Variants in C7orf78 observed in about 807,000 individuals in gnomAD.
C7orf78 encodes the protein putative uncharacterized protein C7orf78.
chr7:12,495,929 A>AT, the C7orf78 span, among the ~76,000 whole-genome samples: 88 of 146,730 alleles, frequency 6.0e-4, no homozygotes, highest in East Asian at 6.0e-4. Flanking sequence ...CTCAAAAAAA[A>AT]TTTTTTTTTT....
the C7orf78 span, among the ~76,000 whole-genome samples, chr7:12,503,345 G>GTTCATT: frequency 6.6e-6 from 1 of 151,966 alleles, no homozygotes; most frequent in Non-Finnish European, 1.5e-5. Flanking sequence ...ATGAATTGAT[G>GTTCATT]TTCATTTTTT....
the C7orf78 span, among the ~76,000 whole-genome samples, chr7:12,528,633 A>C: frequency 6.6e-6 from 1 of 152,230 alleles, no homozygotes; most frequent in Non-Finnish European, 1.5e-5. Flanking sequence ...GGTAGAGTGC[A>C]AAATATACCA....
At chr7:12,499,990 T>A in the C7orf78 span, among the ~76,000 whole-genome samples, 2 of 113,094 alleles carry the variant, frequency 1.8e-5, no homozygotes, top group African/African-American at 3.4e-5. Context: ...ACTGGGTACA[T>A]AACGAAATGA....
chr7:12,486,061 T>A, the C7orf78 span, among the ~76,000 whole-genome samples: 1 of 152,128 alleles, frequency 6.6e-6, no homozygotes, highest in African/African-American at 2.4e-5. Context: ...CAAAACTAAA[T>A]TTTCATGTTT....
At chr7:12,497,272 G>T in the C7orf78 span, among the ~76,000 whole-genome samples, 2 of 152,196 alleles carry the variant, frequency 1.3e-5, no homozygotes, top group African/African-American at 2.4e-5. Context: ...CAGCCTGAGC[G>T]ACGCAGAAGA....
At chr7:12,525,806 C>G in the C7orf78 span, 2 of 396,498 alleles carry the variant, frequency 5.0e-6, no homozygotes, top group Non-Finnish European at 8.9e-6. Context: ...GCAATCTTTC[C>G]TTTACATATC....
chr7:12,535,963 C>G, the C7orf78 span, among the ~76,000 whole-genome samples: 2 of 152,200 alleles, frequency 1.3e-5, no homozygotes, highest in African/African-American at 4.8e-5. Flanking sequence ...GATACAGCCT[C>G]CCACCCAGCT....
At chr7:12,528,521 T>C in the C7orf78 span, among the ~76,000 whole-genome samples, 2 of 148,658 alleles carry the variant, frequency 1.3e-5, no homozygotes, top group African/African-American at 5.0e-5. Flanking sequence ...AAATGTCAGC[T>C]TTCTTAGTAT....
At chr7:12,503,236 TAAAC>T in the C7orf78 span, among the ~76,000 whole-genome samples, 23,961 of 147,320 alleles carry the variant, frequency 0.16, 2,480 homozygotes, top group South Asian at 0.24. Flanking sequence ...AGTATAATAA[TAAAC>T]AAATAAATAA....
the C7orf78 span, among the ~76,000 whole-genome samples, chr7:12,486,135 C>A: frequency 6.6e-6 from 1 of 152,062 alleles, no homozygotes. Flanking sequence ...GTGGCCTATA[C>A]AAGTTCAGCC....
At chr7:12,491,444 A>G in the C7orf78 span, 1 of 152,098 alleles carries the variant, frequency 6.6e-6, no homozygotes, top group Admixed American at 6.6e-5. Flanking sequence ...GGCTTCACTC[A>G]GTCCTGTTTT....
the C7orf78 span, among the ~76,000 whole-genome samples, chr7:12,533,935 C>T: frequency 5.0e-4 from 76 of 152,292 alleles, no homozygotes; most frequent in African/African-American, 1.8e-3. Flanking sequence ...GGGAAGCATA[C>T]TTCAAAAGCA....
the C7orf78 span, among the ~76,000 whole-genome samples, chr7:12,519,561 C>G: frequency 5.5e-3 from 836 of 152,336 alleles, 5 homozygotes; most frequent in African/African-American, 0.019. Context: ...AGATCCCACT[C>G]TCTCACTGTG....
chr7:12,530,858 G>A, the C7orf78 span, among the ~76,000 whole-genome samples: 10 of 152,104 alleles, frequency 6.6e-5, no homozygotes, highest in African/African-American at 2.2e-4. Flanking sequence ...AGGATGCTTC[G>A]TAAGCCCTTT....
the C7orf78 span, among the ~76,000 whole-genome samples, chr7:12,495,921 C>A: frequency 6.7e-6 from 1 of 150,364 alleles, no homozygotes; most frequent in Admixed American, 6.6e-5. Context: ...CTGAGAAACT[C>A]AAAAAAAATT....
chr7:12,507,149 A>C, the C7orf78 span: 4 of 229,310 alleles, frequency 1.7e-5, no homozygotes, highest in African/African-American at 2.4e-5. Context: ...AAATACAAAA[A>C]AAAAAAAAAA....
At chr7:12,531,234 G>A in the C7orf78 span, 2 of 392,788 alleles carry the variant, frequency 5.1e-6, no homozygotes, top group African/African-American at 2.1e-5. Flanking sequence ...TAGTTGCATG[G>A]TGCTTAACTG....
At chr7:12,534,180 C>T in the C7orf78 span, among the ~76,000 whole-genome samples, 4 of 152,286 alleles carry the variant, frequency 2.6e-5, no homozygotes, top group South Asian at 2.1e-4. Context: ...AGATTTTCAA[C>T]ATTTCATTTG....
the C7orf78 span, among the ~76,000 whole-genome samples, chr7:12,498,690 T>C: frequency 6.6e-6 from 1 of 151,764 alleles, no homozygotes; most frequent in African/African-American, 2.4e-5. Flanking sequence ...ATTTCCCCAA[T>C]CTAGCAAGGC....
Sources: gnomAD v4.1 joint callset for allele counts (sites outside exome capture counted in the v4.1 genomes callset) on GRCh38, gnomAD v4.1.1 for gene constraint, MANE v1.5 for transcripts, NCBI Gene and HGNC (gene_info 2026-07-23, HGNC 2026-07-21) for gene names.